The following LRP12 variants were observed in gnomAD, a reference collection of about 807,000 sequenced individuals.
LRP12 encodes low-density lipoprotein receptor-related protein 12.
LRP12 carries 14 observed loss-of-function variants against 66.0 expected under a neutral mutation model. The observed-to-expected ratio is 0.21, with a 90% CI of 0.14 to 0.33. The LOEUF is 0.33. Ranked by LOEUF, LRP12 falls within the 10% of genes least tolerant of loss-of-function variation. LRP12 has a pLI of 1.00. For missense variants in LRP12, 889 were observed against 1,053.4 expected, an observed-to-expected ratio of 0.84 and a Z score of 2.16; for synonymous variants, 357 against 359.1, an observed-to-expected ratio of 0.99 and a Z score of 0.07.
chr8:104,588,654 G>T (rs1205031871), intron 1 of LRP12, among the ~76,000 whole-genome samples, 165 bp downstream of exon 1: 1 of 152,062 alleles, frequency 6.6e-6, no homozygotes, highest in Non-Finnish European at 1.5e-5. Flanking sequence ...GCATCTCCGT[G>T]TGGGGACACC....
chr8:104,512,673 G>C (rs902928778), intron 2 of LRP12, among the ~76,000 whole-genome samples: 1 of 152,026 alleles, frequency 6.6e-6, no homozygotes, highest in Non-Finnish European at 1.5e-5. Context: ...AAACTAGAAA[G>C]AATTTTATTA....
chr8:104,550,830 A>G (rs1811714330), intron 1 of LRP12, among the ~76,000 whole-genome samples: 1 of 152,214 alleles, frequency 6.6e-6, no homozygotes, highest in African/African-American at 2.4e-5. Context: ...TAAATGAATT[A>G]GCTTGCAAAC....
intron 1 of LRP12, among the ~76,000 whole-genome samples, chr8:104,540,861 A>G (rs777520638): frequency 1.3e-5 from 2 of 152,000 alleles, no homozygotes; most frequent in African/African-American, 2.4e-5. Flanking sequence ...AGCCTCCCGA[A>G]TAGCTGGGAT....
chr8:104,569,648 G>C (rs950081447), intron 1 of LRP12, among the ~76,000 whole-genome samples: 1 of 151,836 alleles, frequency 6.6e-6, no homozygotes, highest in East Asian at 1.9e-4. Flanking sequence ...AGCAAACTAG[G>C]AATACAAAAG....
chr8:104,489,774 A>G lies in LRP12; in HGVS notation c.*899T>C, dbSNP rs1022363212. 1 of 152,552 alleles carries G rather than the reference A, an allele frequency of 6.6e-6. No individual in the cohort carries two copies. Among genetic ancestry groups the G allele is most frequent in the Admixed American group, 6.5e-5 (1 of 15,280 alleles). 9.4% of individuals were successfully genotyped at this position (152,552 alleles called of 1,614,324 possible). A position where few individuals can be genotyped will look rare whatever the true frequency, so the allele number is the denominator to read the frequency against. ...TTTAAAGTGATAGTGCTTGTGCACT[A>G]AGCTCATCTGAGACCTTGATATAAT... On this transcript the variant is annotated 3_prime_UTR_variant, in exon 7 of 7. Transcript: ENST00000276654.
At chr8:104,548,815 A>G (rs1431234831) in intron 1 of LRP12, among the ~76,000 whole-genome samples, 1 of 151,556 alleles carries the variant, frequency 6.6e-6, no homozygotes, top group Non-Finnish European at 1.5e-5. Context: ...GTGGTGGTGC[A>G]TGCCTGTAAT....
chr8:104,567,501 T>C (rs1161505964), intron 1 of LRP12, among the ~76,000 whole-genome samples: 1 of 152,156 alleles, frequency 6.6e-6, no homozygotes, highest in Non-Finnish European at 1.5e-5. Flanking sequence ...AGTGGAGATT[T>C]GGTGGGGATG....
At chr8:104,543,848 C>T (rs772209986) in intron 1 of LRP12, among the ~76,000 whole-genome samples, 7 of 151,906 alleles carry the variant, frequency 4.6e-5, no homozygotes, top group East Asian at 3.9e-4. Flanking sequence ...CCTGAACCTG[C>T]GAGGCGGAGG....
At chr8:104,549,811 A>G (rs549722129) in intron 1 of LRP12, among the ~76,000 whole-genome samples, 15 of 152,168 alleles carry the variant, frequency 9.9e-5, no homozygotes, top group Non-Finnish European at 2.2e-4. Context: ...TAACCTTTAA[A>G]TAATTGACTC....
chr8:104,491,842 A>G (rs1261889618), intron 6 of LRP12, among the ~76,000 whole-genome samples: 1 of 152,192 alleles, frequency 6.6e-6, no homozygotes, highest in Admixed American at 6.5e-5. Flanking sequence ...AAAATCTCAC[A>G]TCGTAATCCA....
intron 1 of LRP12, among the ~76,000 whole-genome samples, chr8:104,547,194 TC>T (rs1811583664): frequency 7.2e-6 from 1 of 139,108 alleles, no homozygotes; most frequent in East Asian, 2.1e-4. Flanking sequence ...CTATGTTATA[TC>T]ATATTTTGTA....
At chr8:104,532,856 G>T (rs1258540068) in intron 1 of LRP12, among the ~76,000 whole-genome samples, 5 of 152,052 alleles carry the variant, frequency 3.3e-5, no homozygotes, top group African/African-American at 1.2e-4. Flanking sequence ...CCCCACTGTA[G>T]GCACAGTTCC....
At chr8:104,582,249 A>G (rs146529148) in intron 1 of LRP12, among the ~76,000 whole-genome samples, 1 of 152,288 alleles carries the variant, frequency 6.6e-6, no homozygotes, top group African/African-American at 2.4e-5. Flanking sequence ...TCACATCTTC[A>G]CCAAACTGAT....
chr8:104,555,106 G>C (rs187023452), intron 1 of LRP12, among the ~76,000 whole-genome samples: 28 of 152,136 alleles, frequency 1.8e-4, no homozygotes, highest in African/African-American at 6.7e-4. Context: ...AACACTACAA[G>C]AACTGTTAAA....
intron 3 of LRP12, among the ~76,000 whole-genome samples, chr8:104,503,952 G>GAC (rs1810868504): frequency 6.6e-6 from 1 of 152,036 alleles, no homozygotes; most frequent in South Asian, 2.1e-4. Flanking sequence ...TTTTTAAACA[G>GAC]ACACCCTTTA....
In LRP12 at chr8:104,506,453, C is replaced by G. The variant is rs568275342; in HGVS notation, c.272+2486G>C. ...TTATGGAAGTTTTTTGGTTTTCTCT[C>G]TTTTTTTTAATCCTCTCTTCTTCTA... On this transcript the variant is annotated intron_variant, in intron 3 of 6. Transcript: ENST00000276654. The G allele has an allele frequency of 2.0e-5, 3 of 151,976 alleles. No homozygotes were observed. The South Asian group carries it at 6.2e-4, about 32-fold the overall frequency. The allele number at this position is 151,976 out of a possible 1,614,324, so 9.4% of individuals were successfully genotyped here.
intron 1 of LRP12, among the ~76,000 whole-genome samples, chr8:104,534,331 AG>A (rs968467609): frequency 3.9e-5 from 6 of 152,042 alleles, no homozygotes; most frequent in African/African-American, 1.2e-4. Flanking sequence ...GATGAGCCTA[AG>A]GGTATAACAC....
intron 1 of LRP12, among the ~76,000 whole-genome samples, chr8:104,571,996 T>C (rs1303583863): frequency 6.6e-6 from 1 of 152,228 alleles, no homozygotes; most frequent in Non-Finnish European, 1.5e-5. Context: ...AAGTTTTATT[T>C]ATAATAGCTA....
At position 104,497,757 on chromosome 8, in the gene LRP12, A is replaced by G; in HGVS notation, c.795T>C (p.Tyr265=). ...TGGGAGAATTAAAAGTACCATAAAA[A>G]TATTTTAGCCATTGCCCACATGTTG... The part of the protein sequence containing the change: ...DVPTCGQWLK[Y]FYGTFNSPNY... The change falls in exon 5 of 7, where the codon TAT becomes TAC. Residue 265 remains tyrosine (Y), a synonymous_variant. Transcript: ENST00000276654. This position sits in a 1 kb window ranked among gnomAD's most constrained non-coding sequence, Gnocchi z 4.3. 1 of 1,613,878 alleles carries G rather than the reference A, an allele frequency of 6.2e-7. No individual in the cohort carries two copies. Among genetic ancestry groups the G allele is most frequent in the Non-Finnish European group, 8.5e-7 (1 of 1,179,892 alleles).
Sources: allele counts gnomAD v4.1 joint callset (sites outside exome capture counted in the v4.1 genomes callset), GRCh38; gene constraint gnomAD v4.1.1; non-coding constraint Gnocchi (gnomAD v3.1); transcripts MANE v1.5; gene names NCBI Gene and HGNC (gene_info 2026-07-23, HGNC 2026-07-21).